Variants in ACACA observed in about 807,000 individuals in gnomAD.
The protein encoded by ACACA is acetyl-CoA carboxylase alpha, also known as acetyl-CoA carboxylase 1.
ACACA carries 103 observed loss-of-function variants against 296.1 expected under a neutral mutation model. That is an observed-to-expected ratio of 0.35 (90% CI 0.30 to 0.41). The LOEUF (loss-of-function observed/expected upper bound fraction) is 0.41, where lower values mean the gene tolerates loss of function less well. ACACA is among the 10% of genes least tolerant of loss of function. The pLI is 1.00. For missense variants in ACACA, 1,554 were observed against 2,989.7 expected (o/e 0.52, Z 11.20); for synonymous variants, 953 against 1,038.6 (o/e 0.92, Z 1.58).
chr17:37,312,817 AG>A (rs1348449364), intron 3 of ACACA, among the ~76,000 whole-genome samples: 2 of 152,196 alleles, frequency 1.3e-5, no homozygotes, highest in African/African-American at 4.8e-5. Context: ...ACTTGAGTCC[AG>A]GAGTTTGAAA....
chr17:37,295,780 C>A (rs2083297632), intron 3 of ACACA, among the ~76,000 whole-genome samples: 1 of 151,956 alleles, frequency 6.6e-6, no homozygotes, highest in South Asian at 2.1e-4. Context: ...AAAAAATTAG[C>A]TGGGCGTGGT....
intron 1 of ACACA, among the ~76,000 whole-genome samples, chr17:37,384,532 G>GTAT: frequency 6.6e-6 from 1 of 151,876 alleles, no homozygotes; most frequent in Middle Eastern, 3.4e-3. Flanking sequence ...GGTAGAGCAA[G>GTAT]TATTATTTTA....
intron 1 of ACACA, among the ~76,000 whole-genome samples, chr17:37,370,604 C>G (rs1475390505): frequency 1.4e-4 from 21 of 151,552 alleles, no homozygotes; most frequent in Admixed American, 1.4e-3. Context: ...TTGCAGTGAG[C>G]CGAGATTGTG....
At chr17:37,170,927 A>G (rs1270163359) in intron 41 of ACACA, among the ~76,000 whole-genome samples, 3 of 152,214 alleles carry the variant, frequency 2.0e-5, no homozygotes, top group Non-Finnish European at 4.4e-5. Context: ...AGGGCAAAAC[A>G]TGCCAGGATT....
Position 37,378,035 on chromosome 17 carries a change from C to T in ACACA, c.38+28227G>A. The T allele has an allele frequency of 3.7e-6, 5 of 1,342,592 alleles. No homozygotes were observed. The South Asian group carries it at 4.8e-5, about 13-fold the overall frequency. The allele number at this position is 1,342,592 out of a possible 1,614,324, so 83.2% of individuals were successfully genotyped here. A position where few individuals can be genotyped will look rare whatever the true frequency, so the allele number is the denominator to read the frequency against. On this transcript the variant is annotated intron_variant, in intron 1 of 55. Coordinates refer to ENST00000616317, the MANE Select transcript of ACACA (RefSeq NM_198834.3). ...AAATTTTTACCTTTAAAAGATATCT[C>T]ATCTTCCCACTTCCTAGCCCATATC... is the stretch of plus-strand genomic sequence containing the variant.
chr17:37,220,756 T>C (rs887115371), intron 29 of ACACA, among the ~76,000 whole-genome samples: 15 of 152,210 alleles, frequency 9.9e-5, no homozygotes, highest in African/African-American at 3.4e-4. Flanking sequence ...TGGCATCCAG[T>C]GGCCAAAAGT....
At chr17:37,202,712 TAC>T (rs71159694) in intron 33 of ACACA, among the ~76,000 whole-genome samples, 2,586 of 34,782 alleles carry the variant, frequency 0.074, 117 homozygotes, top group Non-Finnish European at 0.087. Flanking sequence ...TATATATATA[TAC>T]ACACACACAT....
At chr17:37,323,912 T>TTA (rs772770259) in intron 3 of ACACA, among the ~76,000 whole-genome samples, 12 of 152,288 alleles carry the variant, frequency 7.9e-5, no homozygotes, top group Admixed American at 5.2e-4. Flanking sequence ...GATGGCTCTG[T>TTA]TATATGCCAC....
At chr17:37,264,949 T>C (rs2081685436) in intron 10 of ACACA, among the ~76,000 whole-genome samples, 1 of 152,190 alleles carries the variant, frequency 6.6e-6, no homozygotes, top group African/African-American at 2.4e-5. Flanking sequence ...GGTAGAATGG[T>C]CTCACTCAGA....
At position 37,377,032 on chromosome 17, in the gene ACACA, C is replaced by T. The variant is rs148175216; in HGVS notation, c.38+29230G>A. Among the ~76,000 whole-genome samples the T allele has an allele frequency of 5.3e-4, 81 of 152,174 alleles. No individual in the cohort carries two copies. The East Asian group carries it at 0.011, about 20-fold the overall frequency. The stretch of plus-strand genomic sequence containing the variant: ...CAAATGGCACAAAGTGCAGCAGTAA[C>T]GAATTTGACAAATTATAAAAATGTC... On this transcript the variant is annotated intron_variant, in intron 1 of 55. Coordinates refer to ENST00000616317, the MANE Select transcript of ACACA (RefSeq NM_198834.3).
At chr17:37,188,223 G>T in intron 39 of ACACA, 54 bp downstream of exon 39, 1 of 1,546,494 alleles carries the variant, frequency 6.5e-7, no homozygotes, top group Non-Finnish European at 8.9e-7. Flanking sequence ...AAGGACGAGT[G>T]TCTTATCTGT....
At chr17:37,161,602 G>A in intron 42 of ACACA, 179 bp downstream of exon 42, 1 of 724,788 alleles carries the variant, frequency 1.4e-6, no homozygotes, top group Non-Finnish European at 2.2e-6. Context: ...TGAACATATT[G>A]AGAAATAATT....
chr17:37,344,097 A>C (rs1457884392), intron 1 of ACACA, among the ~76,000 whole-genome samples: 1 of 151,628 alleles, frequency 6.6e-6, no homozygotes, highest in Non-Finnish European at 1.5e-5. Flanking sequence ...AAAAGATAAA[A>C]AATAAAAAAG....
chr17:37,247,455 C>G (rs1258664511), intron 18 of ACACA, among the ~76,000 whole-genome samples: 1 of 151,286 alleles, frequency 6.6e-6, no homozygotes. Flanking sequence ...GCAACCTCCA[C>G]CTCCCAGGTT....
chr17:37,120,072 T>C (rs189192494), intron 50 of ACACA, among the ~76,000 whole-genome samples: 1 of 151,830 alleles, frequency 6.6e-6, no homozygotes, highest in Non-Finnish European at 1.5e-5. Flanking sequence ...TTTGTATTTT[T>C]TGTAGAGACA....
At chr17:37,240,665 G>T in intron 23 of ACACA, 101 bp from the exon 24 acceptor site, 1 of 864,922 alleles carries the variant, frequency 1.2e-6, no homozygotes, top group Non-Finnish European at 1.9e-6. Context: ...CCACTGAACT[G>T]CTTTCCCTCT....
intron 1 of ACACA, among the ~76,000 whole-genome samples, chr17:37,342,718 G>T (rs2048441825): frequency 6.6e-6 from 1 of 151,116 alleles, no homozygotes; most frequent in Non-Finnish European, 1.5e-5. Context: ...GCTGAGGCGG[G>T]AGAATCCCTT....
intron 3 of ACACA, among the ~76,000 whole-genome samples, chr17:37,296,302 T>C (rs1472593767): frequency 4.6e-5 from 3 of 65,920 alleles, no homozygotes; most frequent in East Asian, 8.8e-4. Flanking sequence ...CTTTGGAGCC[T>C]TTTTTTTTTT....
At chr17:37,317,079 A>G (rs1567986152) in intron 3 of ACACA, among the ~76,000 whole-genome samples, 3 of 117,650 alleles carry the variant, frequency 2.5e-5, no homozygotes, top group Non-Finnish European at 3.9e-5. Flanking sequence ...CAGAAAAAAA[A>G]AAAAAAGAAA....
Sources: allele counts gnomAD v4.1 joint callset (sites outside exome capture counted in the v4.1 genomes callset), GRCh38; gene constraint gnomAD v4.1.1; transcripts MANE v1.5; gene names NCBI Gene and HGNC (gene_info 2026-07-23, HGNC 2026-07-21).